The following SUGCT variants were observed in gnomAD, a reference collection of about 807,000 sequenced individuals.
The protein encoded by SUGCT is succinyl-CoA:glutarate CoA-transferase.
Under a neutral mutation model 55.0 loss-of-function variants are expected in SUGCT, and 41 were observed. The observed-to-expected ratio is 0.74, with a 90% CI of 0.58 to 0.97. SUGCT has a LOEUF of 0.97. Among genes scored for constraint, SUGCT ranks in the 50% least tolerant of loss-of-function variants. SUGCT has a pLI of 0.00. For synonymous variants in SUGCT, 187 were observed against 200.4 expected (o/e 0.93, Z 0.56); for missense variants, 568 against 547.8 (o/e 1.04, Z -0.37).
intron 7 of SUGCT, among the ~76,000 whole-genome samples, chr7:40,260,530 C>A (rs1791154186): frequency 6.6e-6 from 1 of 152,130 alleles, no homozygotes; most frequent in African/African-American, 2.4e-5. Flanking sequence ...TTAGGTAAAA[C>A]CTTGTACTCA....
chr7:40,582,699 A>G (rs1308882224), intron 12 of SUGCT, among the ~76,000 whole-genome samples: 2 of 152,106 alleles, frequency 1.3e-5, no homozygotes, highest in African/African-American at 4.8e-5. Context: ...TCTGGCGTCG[A>G]TAACTTCAGC....
chr7:40,725,204 A>G (rs1267979542), intron 12 of SUGCT, among the ~76,000 whole-genome samples: 1 of 152,180 alleles, frequency 6.6e-6, no homozygotes, highest in Non-Finnish European at 1.5e-5. Flanking sequence ...CATCAGCATC[A>G]CCTGTAGTCT....
intron 13 of SUGCT, among the ~76,000 whole-genome samples, chr7:40,780,124 G>A (rs778785284): frequency 1.5e-4 from 23 of 151,846 alleles, no homozygotes; most frequent in African/African-American, 4.8e-4. Context: ...TTTTGTCTTC[G>A]GCTGGTGATT....
At position 40,590,352 on chromosome 7, in the gene SUGCT, A is replaced by T. The variant is rs564069216; in HGVS notation, c.1089+93966A>T. On this transcript the variant is annotated intron_variant, in intron 12 of 13. Transcript: ENST00000335693. ...CCACACATTTTTCATTTTAAATCAAAAGCTAGAAATGATTGAGCTTAGTGA... is the reference window on the plus strand; with the variant it reads ...CCACACATTTTTCATTTTAAATCAATAGCTAGAAATGATTGAGCTTAGTGA... Among the ~76,000 whole-genome samples, 64 of 152,310 alleles carry T rather than the reference A, an allele frequency of 4.2e-4. 1 individual carries two copies. The South Asian group carries it at 0.013, about 31-fold the overall frequency.
At chr7:40,506,268 A>T (rs1656387983) in intron 12 of SUGCT, among the ~76,000 whole-genome samples, 1 of 151,952 alleles carries the variant, frequency 6.6e-6, no homozygotes, top group East Asian at 1.9e-4. Flanking sequence ...TTTGCTGGGT[A>T]TGATTCTTGT....
intron 9 of SUGCT, among the ~76,000 whole-genome samples, chr7:40,367,364 T>C (rs1190818217): frequency 6.6e-6 from 1 of 151,402 alleles, no homozygotes; most frequent in East Asian, 1.9e-4. Flanking sequence ...CATGTATACA[T>C]ATGTAACTAA....
At chr7:40,858,953 C>T (rs1263431048) in intron 13 of SUGCT, among the ~76,000 whole-genome samples, 1 of 152,150 alleles carries the variant, frequency 6.6e-6, no homozygotes, top group Non-Finnish European at 1.5e-5. Context: ...TGCAAAAGTA[C>T]TTTTATTAAT....
At chr7:40,575,348 A>C (rs2151698642) in intron 12 of SUGCT, among the ~76,000 whole-genome samples, 1 of 152,262 alleles carries the variant, frequency 6.6e-6, no homozygotes, top group African/African-American at 2.4e-5. Context: ...CAACAACAAC[A>C]ACAACAAAAA....
intron 12 of SUGCT, among the ~76,000 whole-genome samples, chr7:40,638,767 G>C (rs1358782444): frequency 6.6e-6 from 1 of 152,146 alleles, no homozygotes; most frequent in Non-Finnish European, 1.5e-5. Context: ...TTGCCTTCTG[G>C]AGGTGTGATG....
the SUGCT span, among the ~76,000 whole-genome samples, chr7:40,898,917 C>A: frequency 6.6e-6 from 1 of 152,040 alleles, no homozygotes; most frequent in African/African-American, 2.4e-5. Flanking sequence ...AGAAGCTGTT[C>A]CTCAAACAAA....
chr7:40,432,685 CAAAAAAAAAAAAAAA>C (rs61055999), intron 9 of SUGCT, among the ~76,000 whole-genome samples: 1 of 115,694 alleles, frequency 8.6e-6, no homozygotes. Context: ...GACTCCCTCT[CAAAAAAAAAAAAAAA>C]AAAAAAAAAA....
At chr7:40,155,061 T>A (rs1198692602) in intron 1 of SUGCT, among the ~76,000 whole-genome samples, 2 of 152,052 alleles carry the variant, frequency 1.3e-5, no homozygotes, top group Non-Finnish European at 2.9e-5. Flanking sequence ...CCGAGGTGGG[T>A]GATCACCTGA....
intron 12 of SUGCT, among the ~76,000 whole-genome samples, chr7:40,546,123 G>C (rs1162744330): frequency 6.6e-6 from 1 of 152,112 alleles, no homozygotes. Flanking sequence ...TCCTGCCCTA[G>C]CTCAGACTTA....
chr7:40,801,240 G>T (rs370741613), intron 13 of SUGCT, among the ~76,000 whole-genome samples: 1 of 152,152 alleles, frequency 6.6e-6, no homozygotes, highest in East Asian at 1.9e-4. Flanking sequence ...GAGCCATCCG[G>T]GGTATTTAAC....
intron 13 of SUGCT, among the ~76,000 whole-genome samples, chr7:40,819,617 CTTGTAAATTTGTTTAAGTTCT>C: frequency 6.6e-6 from 1 of 152,184 alleles, no homozygotes; most frequent in Non-Finnish European, 1.5e-5. Flanking sequence ...TTGATTTTTT[CTTGTAAATTTGTTTAAGTTCT>C]TTGTAGATTC....
the SUGCT span, among the ~76,000 whole-genome samples, chr7:40,869,372 G>A: frequency 8.0e-3 from 1,220 of 152,290 alleles, 16 homozygotes; most frequent in African/African-American, 0.028. Context: ...CCTCTAGGAG[G>A]TGAGAGAAAA....
At chr7:40,474,218 T>C (rs1022395312) in intron 11 of SUGCT, among the ~76,000 whole-genome samples, 1 of 152,268 alleles carries the variant, frequency 6.6e-6, no homozygotes, top group East Asian at 1.9e-4. Flanking sequence ...TAGAGTAGTA[T>C]GTTAGGGTTT....
the SUGCT span, among the ~76,000 whole-genome samples, chr7:40,942,923 A>G: frequency 1.3e-5 from 2 of 152,100 alleles, no homozygotes; most frequent in Admixed American, 6.6e-5. Flanking sequence ...TTACTTTTTA[A>G]AAAATATCTG....
At chr7:40,583,042 C>G (rs187746895) in intron 12 of SUGCT, among the ~76,000 whole-genome samples, 3 of 152,180 alleles carry the variant, frequency 2.0e-5, no homozygotes, top group East Asian at 1.9e-4. Context: ...ATACAGAACA[C>G]AAAAACTAGC....
Sources: gnomAD v4.1 joint callset for allele counts (sites outside exome capture counted in the v4.1 genomes callset) on GRCh38, gnomAD v4.1.1 for gene constraint, MANE v1.5 for transcripts, NCBI Gene and HGNC (gene_info 2026-07-23, HGNC 2026-07-21) for gene names.